The following KHDRBS3 variants were observed in gnomAD, a reference collection of about 807,000 sequenced individuals.
The protein encoded by KHDRBS3 is KH domain-containing, RNA-binding, signal transduction-associated protein 3.
A neutral mutation model predicts 45.6 loss-of-function variants in KHDRBS3; 23 were observed. That is an observed-to-expected ratio of 0.50 (90% CI 0.36 to 0.72). KHDRBS3 has a LOEUF of 0.72. KHDRBS3 is among the 30% of genes least tolerant of loss of function. The pLI is 0.00. For synonymous variants in KHDRBS3, 162 were observed against 156.5 expected (o/e 1.04, Z -0.26); for missense variants, 352 against 424.8 (o/e 0.83, Z 1.51).
At chr8:135,634,005 T>C (rs1258990642) in intron 7 of KHDRBS3, among the ~76,000 whole-genome samples, 1 of 152,246 alleles carries the variant, frequency 6.6e-6, no homozygotes, top group Non-Finnish European at 1.5e-5. Context: ...TTCACTGCCC[T>C]GAACATCCTC....
intron 4 of KHDRBS3, among the ~76,000 whole-genome samples, chr8:135,552,631 T>C (rs1826667396): frequency 6.6e-6 from 1 of 152,184 alleles, no homozygotes; most frequent in South Asian, 2.1e-4. Context: ...GAGGAGTTTT[T>C]GTTGCTGAGG....
intron 5 of KHDRBS3, among the ~76,000 whole-genome samples, chr8:135,559,527 G>T (rs4308773): frequency 0.77 from 116,149 of 151,684 alleles, 44,699 homozygotes; most frequent in East Asian, 0.96. Flanking sequence ...TAATTTTTTT[G>T]TGTGTATGTA....
chr8:135,632,331 G>A (rs1226274082), intron 7 of KHDRBS3, among the ~76,000 whole-genome samples: 1 of 152,006 alleles, frequency 6.6e-6, no homozygotes, highest in African/African-American at 2.4e-5. Flanking sequence ...CTCTGGCTGG[G>A]TGTTCTCCAT....
At chr8:135,589,953 T>C (rs1828671956) in intron 6 of KHDRBS3, among the ~76,000 whole-genome samples, 2 of 152,206 alleles carry the variant, frequency 1.3e-5, no homozygotes, top group Admixed American at 6.5e-5. Context: ...CTAATAAGTA[T>C]GAAAGACAAT....
chr8:135,584,046 A>G, intron 6 of KHDRBS3, among the ~76,000 whole-genome samples: 1 of 152,212 alleles, frequency 6.6e-6, no homozygotes, highest in East Asian at 1.9e-4. Context: ...ATAATGGGAT[A>G]ATGGCCCTGT....
At chr8:135,458,343 A>G (rs1346990332) in intron 1 of KHDRBS3, among the ~76,000 whole-genome samples, 6 of 152,034 alleles carry the variant, frequency 3.9e-5, no homozygotes. Flanking sequence ...TGGTTTGTCT[A>G]AGGTACTGGA....
At chr8:135,594,487 C>T (rs1260928987) in intron 6 of KHDRBS3, among the ~76,000 whole-genome samples, 1 of 152,164 alleles carries the variant, frequency 6.6e-6, no homozygotes. Flanking sequence ...GCTGGAAATA[C>T]TAGGGCTTAT....
intron 5 of KHDRBS3, among the ~76,000 whole-genome samples, chr8:135,569,944 AAAAC>A (rs1470055820): frequency 1.3e-5 from 2 of 152,240 alleles, no homozygotes; most frequent in African/African-American, 2.4e-5. Context: ...AACAAAAACA[AAAAC>A]AAAAAACAAA....
At chr8:135,656,170 T>C (rs1831527659) in intron 4 of KHDRBS3, 1 of 152,320 alleles carries the variant, frequency 6.6e-6, no homozygotes, top group African/African-American at 2.4e-5. Context: ...ACAGAGCATA[T>C]GGTTATTATT....
At chr8:135,610,349 C>G (rs1829659307) in intron 7 of KHDRBS3, among the ~76,000 whole-genome samples, 2 of 151,718 alleles carry the variant, frequency 1.3e-5, no homozygotes, top group South Asian at 4.1e-4. Context: ...GTGACTAATC[C>G]CAAATGTGAA....
chr8:135,639,135 A>G (rs1394177270), intron 7 of KHDRBS3, among the ~76,000 whole-genome samples: 1 of 152,218 alleles, frequency 6.6e-6, no homozygotes, highest in Non-Finnish European at 1.5e-5. Context: ...TGACCATTGA[A>G]TTTAGCAACT....
intron 2 of KHDRBS3, chr8:135,541,533 A>G (rs1826048583): frequency 6.6e-6 from 1 of 152,246 alleles, no homozygotes; most frequent in Admixed American, 6.5e-5. Flanking sequence ...TAGATTTTTT[A>G]AAGTGCTAAG....
At chr8:135,535,116 G>A (rs1317625435) in intron 2 of KHDRBS3, among the ~76,000 whole-genome samples, 1 of 151,918 alleles carries the variant, frequency 6.6e-6, no homozygotes, top group Non-Finnish European at 1.5e-5. Context: ...TAGCCTTAAA[G>A]TGGAACTTTT....
chr8:135,599,158 G>A (rs570491569), intron 6 of KHDRBS3, among the ~76,000 whole-genome samples: 1 of 152,360 alleles, frequency 6.6e-6, no homozygotes, highest in South Asian at 2.1e-4. Context: ...ATCTCCACCT[G>A]TGTAAGAACA....
At chr8:135,536,966 C>CAAAAA (rs869256475) in intron 2 of KHDRBS3, among the ~76,000 whole-genome samples, 18 of 11,760 alleles carry the variant, frequency 1.5e-3, no homozygotes, top group African/African-American at 2.1e-3. Context: ...AACTCCATCT[C>CAAAAA]AAAAAAAAAA....
chr8:135,588,238 G>C (rs1227683331), intron 6 of KHDRBS3, among the ~76,000 whole-genome samples: 1 of 152,114 alleles, frequency 6.6e-6, no homozygotes, highest in Non-Finnish European at 1.5e-5. Context: ...CAGAACTCAG[G>C]AAAGTAGTGT....
intron 7 of KHDRBS3, among the ~76,000 whole-genome samples, chr8:135,641,349 A>G (rs1050201228): frequency 2.6e-5 from 4 of 152,220 alleles, no homozygotes; most frequent in African/African-American, 9.7e-5. Flanking sequence ...AAGTTAAACA[A>G]TTGGGAACTG....
chr8:135,594,173 A>G (rs1828872402), intron 6 of KHDRBS3, among the ~76,000 whole-genome samples: 1 of 152,218 alleles, frequency 6.6e-6, no homozygotes, highest in African/African-American at 2.4e-5. Flanking sequence ...AATAAGGACT[A>G]TAGTGGTTAA....
intron 6 of KHDRBS3, among the ~76,000 whole-genome samples, chr8:135,599,603 A>G (rs779652796): frequency 3.0e-4 from 45 of 152,248 alleles, no homozygotes; most frequent in Non-Finnish European, 2.9e-5. Context: ...TTCAACAAAC[A>G]TGACCACATG....
Sources: allele counts gnomAD v4.1 joint callset (sites outside exome capture counted in the v4.1 genomes callset), GRCh38; gene constraint gnomAD v4.1.1; transcripts MANE v1.5; gene names NCBI Gene and HGNC (gene_info 2026-07-23, HGNC 2026-07-21).